LARGE1: variants seen among roughly 807,000 people sequenced by gnomAD.
The protein encoded by LARGE1 is xylosyl- and glucuronyltransferase LARGE1.
Under a neutral mutation model 87.6 loss-of-function variants are expected in LARGE1, and 43 were observed. The observed-to-expected ratio is 0.49, with a 90% CI of 0.38 to 0.63. The LOEUF (loss-of-function observed/expected upper bound fraction) is 0.63, where lower values mean the gene tolerates loss of function less well. Ranked by LOEUF, LARGE1 falls within the 30% of genes least tolerant of loss-of-function variation. The pLI is 0.00. For missense variants in LARGE1, 802 were observed against 1,000.2 expected, an observed-to-expected ratio of 0.80 and a Z score of 2.67; for synonymous variants, 434 against 394.6, an observed-to-expected ratio of 1.10 and a Z score of -1.18.
intron 1 of LARGE1, among the ~76,000 whole-genome samples, chr22:33,917,317 T>C (rs759400009): frequency 3.3e-5 from 5 of 152,200 alleles, no homozygotes; most frequent in Non-Finnish European, 7.3e-5. Flanking sequence ...TGGGTAAACC[T>C]AGGCAATGGG....
At chr22:33,136,369 G>T in the LARGE1 span, among the ~76,000 whole-genome samples, 60 of 152,140 alleles carry the variant, frequency 3.9e-4, no homozygotes, top group African/African-American at 1.4e-3. Context: ...AAGTGAAAGG[G>T]GTTTCCTCTT....
intron 9 of LARGE1, among the ~76,000 whole-genome samples, chr22:33,372,683 T>C (rs2064856487): frequency 6.6e-6 from 1 of 152,156 alleles, no homozygotes. Flanking sequence ...GGAGCTACAA[T>C]TCAAGATGAG....
intron 2 of LARGE1, among the ~76,000 whole-genome samples, chr22:33,679,149 C>T (rs1159739815): frequency 6.6e-6 from 1 of 152,192 alleles, no homozygotes; most frequent in African/African-American, 2.4e-5. Context: ...TGGTCATCCC[C>T]TTATTCTCAG....
At chr22:33,828,001 G>T (rs1367568547) in intron 1 of LARGE1, among the ~76,000 whole-genome samples, 1 of 152,218 alleles carries the variant, frequency 6.6e-6, no homozygotes, top group African/African-American at 2.4e-5. Flanking sequence ...TAGAATAAAA[G>T]AGATGATATC....
chr22:33,784,635 AC>A (rs1313205495), intron 1 of LARGE1, among the ~76,000 whole-genome samples: 1 of 152,130 alleles, frequency 6.6e-6, no homozygotes, highest in Non-Finnish European at 1.5e-5. Context: ...GTGGCATTCT[AC>A]CCTCAAAGAA....
chr22:33,308,716 G>A (rs1306663121), intron 11 of LARGE1, among the ~76,000 whole-genome samples: 2 of 152,062 alleles, frequency 1.3e-5, no homozygotes, highest in Non-Finnish European at 2.9e-5. Context: ...ACAAACCCCC[G>A]AAAAGCTACC....
At chr22:33,140,254 TG>T in the LARGE1 span, among the ~76,000 whole-genome samples, 1 of 152,048 alleles carries the variant, frequency 6.6e-6, no homozygotes, top group Non-Finnish European at 1.5e-5. Flanking sequence ...AACTGGGAGC[TG>T]GGGGAAGAAA....
At chr22:33,104,931 C>CT in the LARGE1 span, among the ~76,000 whole-genome samples, 1 of 142,360 alleles carries the variant, frequency 7.0e-6, no homozygotes, top group Admixed American at 7.1e-5. Flanking sequence ...TTCTTTCTTT[C>CT]TTTCTTTCTT....
chr22:33,135,669 G>C, the LARGE1 span, among the ~76,000 whole-genome samples: 1 of 151,700 alleles, frequency 6.6e-6, no homozygotes, highest in Non-Finnish European at 1.5e-5. Flanking sequence ...GCAAAACCCT[G>C]TCTCTACTAA....
chr22:33,795,931 T>C (rs2085965898), intron 1 of LARGE1, among the ~76,000 whole-genome samples: 1 of 150,442 alleles, frequency 6.6e-6, no homozygotes, highest in Non-Finnish European at 1.5e-5. Context: ...CACACCAAAA[T>C]GGCACATGTA....
intron 3 of LARGE1, among the ~76,000 whole-genome samples, chr22:33,633,526 C>A (rs1602857674): frequency 6.6e-6 from 1 of 152,168 alleles, no homozygotes; most frequent in Admixed American, 6.5e-5. Context: ...GAAATTCACA[C>A]CAAACTAAGG....
At chr22:33,400,656 C>T (rs977186166) in intron 7 of LARGE1, among the ~76,000 whole-genome samples, 1 of 152,130 alleles carries the variant, frequency 6.6e-6, no homozygotes, top group East Asian at 1.9e-4. Flanking sequence ...CATGTGCTGG[C>T]ACCTGCTGGA....
At chr22:33,580,176 C>T (rs1301276538) in intron 5 of LARGE1, among the ~76,000 whole-genome samples, 1 of 151,916 alleles carries the variant, frequency 6.6e-6, no homozygotes, top group African/African-American at 2.4e-5. Flanking sequence ...TTTGAGACCA[C>T]CCTGACCAAC....
At chr22:33,319,122 C>T (rs1217959844) in intron 10 of LARGE1, among the ~76,000 whole-genome samples, 1 of 152,184 alleles carries the variant, frequency 6.6e-6, no homozygotes, top group African/African-American at 2.4e-5. Flanking sequence ...TATCCTTGTC[C>T]TTTGCAGTGG....
chr22:33,869,164 A>T (rs1233188784), intron 1 of LARGE1, among the ~76,000 whole-genome samples: 1 of 152,104 alleles, frequency 6.6e-6, no homozygotes, highest in Non-Finnish European at 1.5e-5. Flanking sequence ...TTACCCTTGG[A>T]GCCAGCTCCT....
intron 6 of LARGE1, among the ~76,000 whole-genome samples, chr22:33,453,881 A>C (rs994396434): frequency 2.0e-5 from 3 of 152,224 alleles, no homozygotes; most frequent in African/African-American, 7.2e-5. Flanking sequence ...AACATCTACC[A>C]GAGGCTGTTT....
intron 6 of LARGE1, among the ~76,000 whole-genome samples, chr22:33,449,235 G>C (rs756595647): frequency 4.6e-5 from 7 of 152,192 alleles, no homozygotes; most frequent in Non-Finnish European, 7.3e-5. Flanking sequence ...AACATGAATA[G>C]TATTTTAAAA....
intron 1 of LARGE1, among the ~76,000 whole-genome samples, chr22:33,825,404 G>A (rs887722418): frequency 1.5e-5 from 2 of 134,498 alleles, no homozygotes; most frequent in African/African-American, 5.8e-5. Flanking sequence ...AGACATACCC[G>A]AGACTGGGTA....
intron 14 of LARGE1, among the ~76,000 whole-genome samples, chr22:33,275,061 G>A (rs898859081): frequency 6.6e-6 from 1 of 152,118 alleles, no homozygotes; most frequent in Non-Finnish European, 1.5e-5. Flanking sequence ...CATAGGACTT[G>A]ATGCGATCTG....
Sources: gnomAD v4.1 joint callset for allele counts (sites outside exome capture counted in the v4.1 genomes callset) on GRCh38, gnomAD v4.1.1 for gene constraint, MANE v1.5 for transcripts, NCBI Gene and HGNC (gene_info 2026-07-23, HGNC 2026-07-21) for gene names.